ETFA: variants seen among roughly 807,000 people sequenced by gnomAD.
ETFA encodes the protein electron transfer flavoprotein subunit alpha, mitochondrial.
In ETFA, 22 loss-of-function variants were observed where a neutral mutation model predicts 46.2. The ratio of observed to expected loss-of-function variants is 0.48; its 90% CI spans 0.34 to 0.68. ETFA has a LOEUF of 0.68. ETFA is among the 30% of genes least tolerant of loss of function. ETFA has a pLI of 0.01. For synonymous variants in ETFA, 131 were observed against 139.9 expected, an observed-to-expected ratio of 0.94 and a Z score of 0.45; for missense variants, 345 against 401.1, an observed-to-expected ratio of 0.86 and a Z score of 1.19.
chr15:76,281,250 C>T, intron 8 of ETFA, among the ~76,000 whole-genome samples: 1 of 152,100 alleles, frequency 6.6e-6, no homozygotes, highest in Admixed American at 6.5e-5. Context: ...AGTGATCCGC[C>T]CGCCTTGGCC....
chr15:76,225,031 C>T (rs2038990834), intron 11 of ETFA, among the ~76,000 whole-genome samples: 1 of 152,118 alleles, frequency 6.6e-6, no homozygotes, highest in Non-Finnish European at 1.5e-5. Flanking sequence ...TCTCCCTACA[C>T]TCGTCAGCTA....
intron 1 of ETFA, among the ~76,000 whole-genome samples, chr15:76,308,815 T>G (rs1888129459): frequency 6.6e-6 from 1 of 152,346 alleles, no homozygotes; most frequent in Middle Eastern, 3.4e-3. Context: ...AGTTAGAAAG[T>G]GAACCTCTTT....
chr15:76,307,547 T>G (rs1567223188), intron 1 of ETFA, among the ~76,000 whole-genome samples: 1 of 151,820 alleles, frequency 6.6e-6, no homozygotes, highest in Non-Finnish European at 1.5e-5. Context: ...AGGGCAGTGG[T>G]GCTACCTGGG....
chr15:76,240,951 A>G (rs2039179884), intron 9 of ETFA, among the ~76,000 whole-genome samples: 1 of 151,414 alleles, frequency 6.6e-6, no homozygotes, highest in East Asian at 1.9e-4. Flanking sequence ...TATAATTTTT[A>G]TATTTAACAA....
chr15:76,266,836 G>A (rs1004420234), intron 9 of ETFA, among the ~76,000 whole-genome samples: 3 of 151,922 alleles, frequency 2.0e-5, no homozygotes, highest in Admixed American at 6.6e-5. Context: ...CCTGGGAGGC[G>A]GAGCTTGCAG....
At chr15:76,263,862 A>C (rs1264626691) in intron 9 of ETFA, among the ~76,000 whole-genome samples, 2 of 152,198 alleles carry the variant, frequency 1.3e-5, no homozygotes, top group South Asian at 2.1e-4. Context: ...AGGAAAACTA[A>C]AAAAAGTATG....
chr15:76,258,338 C>A (rs1424360969), intron 9 of ETFA, among the ~76,000 whole-genome samples: 1 of 152,070 alleles, frequency 6.6e-6, no homozygotes, highest in Non-Finnish European at 1.5e-5. Context: ...AAGAGGGACA[C>A]CTTATAGCCT....
Position 76,217,621 on chromosome 15 carries a change from C to A in ETFA, c.964-1024G>T, listed in dbSNP as rs1057414910. The stretch of plus-strand genomic sequence containing the variant: ...GGCAGTGCAGTGGCTGCAACTGGAG[C>A]TTCCAGTGTAGAGCTGCTTTGTGAC... On this transcript the variant is annotated intron_variant, in intron 11 of 11. Coordinates refer to ENST00000557943, the MANE Select transcript of ETFA (RefSeq NM_000126.4). 14 of 455,752 alleles carry A rather than the reference C, an allele frequency of 3.1e-5. No individual in the cohort carries two copies. The East Asian group carries it at 9.7e-4, about 32-fold the overall frequency. 28.2% of individuals were successfully genotyped at this position (455,752 alleles called of 1,614,324 possible).
At chr15:76,268,259 G>C (rs934379193) in intron 9 of ETFA, among the ~76,000 whole-genome samples, 1 of 147,280 alleles carries the variant, frequency 6.8e-6, no homozygotes, top group Non-Finnish European at 1.5e-5. Context: ...GGGTATGTTT[G>C]TACTTTTGCA....
chr15:76,291,248 GCCTGGTC>G (rs2039758527), intron 4 of ETFA, among the ~76,000 whole-genome samples: 9 of 151,968 alleles, frequency 5.9e-5, no homozygotes, highest in Admixed American at 3.3e-4. Flanking sequence ...TTCGAGACCA[GCCTGGTC>G]AACACGGCGA....
chr15:76,242,296 CAG>C (rs2039200547), intron 9 of ETFA, among the ~76,000 whole-genome samples: 2 of 152,192 alleles, frequency 1.3e-5, no homozygotes, highest in African/African-American at 4.8e-5. Flanking sequence ...CCCTGGGAAA[CAG>C]AGCTGCCACC....
chr15:76,300,252 T>C (rs2039866135), intron 1 of ETFA, among the ~76,000 whole-genome samples: 2 of 152,212 alleles, frequency 1.3e-5, no homozygotes, highest in East Asian at 1.9e-4. Flanking sequence ...TATATCTAAG[T>C]GCTTAACTTG....
intron 8 of ETFA, among the ~76,000 whole-genome samples, chr15:76,282,363 G>C (rs1298099070): frequency 6.6e-6 from 1 of 152,138 alleles, no homozygotes; most frequent in East Asian, 1.9e-4. Flanking sequence ...TTATCTCCTA[G>C]AGCCCCCAGA....
intron 9 of ETFA, among the ~76,000 whole-genome samples, chr15:76,249,347 T>C (rs1192504571): frequency 6.6e-6 from 1 of 151,870 alleles, no homozygotes; most frequent in African/African-American, 2.4e-5. Flanking sequence ...AGGCTGCTCT[T>C]GAACTCCCAA....
intron 10 of ETFA, among the ~76,000 whole-genome samples, chr15:76,229,586 T>C (rs927613284): frequency 1.5e-4 from 23 of 152,246 alleles, no homozygotes; most frequent in African/African-American, 5.1e-4. Flanking sequence ...TTAAGGCTGC[T>C]GGTGTTGGAG....
At chr15:76,263,670 T>C (rs2039441970) in intron 9 of ETFA, among the ~76,000 whole-genome samples, 1 of 152,050 alleles carries the variant, frequency 6.6e-6, no homozygotes, top group African/African-American at 2.4e-5. Flanking sequence ...AAAAGGTGTA[T>C]AAAGACAGAG....
intron 4 of ETFA, among the ~76,000 whole-genome samples, chr15:76,290,314 A>G (rs2039747547): frequency 6.9e-6 from 1 of 145,182 alleles, no homozygotes; most frequent in Admixed American, 7.0e-5. Flanking sequence ...GAGAAACATT[A>G]TGAGCCAAAG....
intron 9 of ETFA, among the ~76,000 whole-genome samples, chr15:76,235,952 A>G (rs2039118239): frequency 1.3e-5 from 2 of 152,232 alleles, no homozygotes; most frequent in African/African-American, 4.8e-5. Context: ...ATAAAACTGC[A>G]TGTCTGAGAA....
Position 76,247,600 on chromosome 15 carries a change from A to AT in ETFA, c.817-16203dup, listed in dbSNP as rs202207851. Among the ~76,000 whole-genome samples, 1,276 of 151,272 alleles carry AT rather than the reference A, an allele frequency of 8.4e-3. 17 individuals carry two copies. The highest frequency in any genetic ancestry group is 0.029 in the African/African-American group (1,206 of 41,202). On this transcript the variant is annotated intron_variant, in intron 9 of 11. Transcript: ENST00000557943. ...ACTCAGGCAACTCTTTAATCAGTAC[A>AT]TTTTTTTTTACGTGGTCTTGGTTAT...
Sources: gnomAD v4.1 joint callset for allele counts (sites outside exome capture counted in the v4.1 genomes callset) on GRCh38, gnomAD v4.1.1 for gene constraint, MANE v1.5 for transcripts, NCBI Gene and HGNC (gene_info 2026-07-23, HGNC 2026-07-21) for gene names.